Variants in ARHGAP24 observed in about 807,000 individuals in gnomAD.
ARHGAP24 encodes the protein Rho GTPase activating protein 24.
In ARHGAP24, 50 loss-of-function variants were observed where a neutral mutation model predicts 76.4. That is an observed-to-expected ratio of 0.65 (90% CI 0.52 to 0.83). The LOEUF (loss-of-function observed/expected upper bound fraction) is 0.83, where lower values mean the gene tolerates loss of function less well. Among genes scored for constraint, ARHGAP24 ranks in the 40% least tolerant of loss-of-function variants. The probability of loss-of-function intolerance (pLI) is 0.00; values close to 1 mark genes in which losing one functional copy is unlikely to be tolerated. For synonymous variants in ARHGAP24, 345 were observed against 323.3 expected (o/e 1.07, Z -0.72); for missense variants, 930 against 914.2 (o/e 1.02, Z -0.22).
At chr4:85,650,704 A>G (rs747090598) in intron 2 of ARHGAP24, among the ~76,000 whole-genome samples, 20 of 149,392 alleles carry the variant, frequency 1.3e-4, no homozygotes, top group Non-Finnish European at 2.4e-4. Flanking sequence ...CCTATACTCT[A>G]TATATTTACA....
At chr4:85,509,031 T>C (rs999583411) in intron 1 of ARHGAP24, among the ~76,000 whole-genome samples, 1 of 152,068 alleles carries the variant, frequency 6.6e-6, no homozygotes, top group African/African-American at 2.4e-5. Context: ...TTTAGAGAAC[T>C]TTCTAGCTAT....
At position 85,527,119 on chromosome 4, in the gene ARHGAP24, A is replaced by T. The variant is rs1725037318; in HGVS notation, c.-20-43403A>T. ...CTCCAGAGAAAAGTGTGATGGAAAT[A>T]CCAAGTTACATTATTCTAGGCAAAG... is the stretch of plus-strand genomic sequence containing the variant. On this transcript the variant is annotated intron_variant, in intron 1 of 9. Transcript: ENST00000395184. Among the ~76,000 whole-genome samples, 5 of 152,254 alleles carry T rather than the reference A, an allele frequency of 3.3e-5. No individual in the cohort carries two copies. In the South Asian group the frequency reaches 1.0e-3, roughly 32 times the overall value.
At chr4:85,525,211 T>G (rs1724933366) in intron 1 of ARHGAP24, among the ~76,000 whole-genome samples, 1 of 151,864 alleles carries the variant, frequency 6.6e-6, no homozygotes. Flanking sequence ...TGTTTAGATG[T>G]GTTTTTGCTA....
At chr4:85,957,110 A>G (rs1737964502) in intron 5 of ARHGAP24, among the ~76,000 whole-genome samples, 1 of 152,060 alleles carries the variant, frequency 6.6e-6, no homozygotes, top group Admixed American at 6.5e-5. Context: ...CGCTTGTTTA[A>G]AGGTGGATGC....
chr4:85,697,924 A>G (rs1380473982), intron 2 of ARHGAP24, among the ~76,000 whole-genome samples: 2 of 152,248 alleles, frequency 1.3e-5, no homozygotes, highest in Non-Finnish European at 2.9e-5. Flanking sequence ...CAAAAACTTC[A>G]TAGAAATACT....
intron 1 of ARHGAP24, among the ~76,000 whole-genome samples, chr4:85,526,637 A>G (rs1014988057): frequency 2.0e-5 from 3 of 152,056 alleles, no homozygotes; most frequent in African/African-American, 7.2e-5. Context: ...AATAGTTGTT[A>G]CTATTTATCA....
At chr4:85,745,658 A>G (rs2110063384) in intron 3 of ARHGAP24, among the ~76,000 whole-genome samples, 1 of 152,100 alleles carries the variant, frequency 6.6e-6, no homozygotes, top group African/African-American at 2.4e-5. Flanking sequence ...TGCATACTAC[A>G]CAGTATGAAA....
At position 85,995,126 on chromosome 4, in the gene ARHGAP24, C is replaced by T; in HGVS notation, c.1472C>T (p.Thr491Ile). The T allele has an allele frequency of 6.2e-7, 1 of 1,614,036 alleles. No individual in the cohort carries two copies. The highest frequency in any genetic ancestry group is 8.5e-7 in the Non-Finnish European group (1 of 1,180,020). Residue 491 changes from threonine (T) to isoleucine (I), a missense_variant, in exon 9 of 10, where the codon ACA becomes ATA. Coordinates refer to ENST00000395184, the MANE Select transcript of ARHGAP24 (RefSeq NM_001025616.3). Reference sequence around the variant, plus strand: ...CGCATGGGCATTTTGAACAGCGACACACTCGGGAACCCCACAAATGTTCGA... The same window carrying T: ...CGCATGGGCATTTTGAACAGCGACATACTCGGGAACCCCACAAATGTTCGA... Reference protein sequence around the residue: ...TVRMGILNSDTLGNPTNVRNM... With the variant: ...TVRMGILNSDILGNPTNVRNM...
At chr4:85,906,217 A>G (rs1734761770) in intron 3 of ARHGAP24, among the ~76,000 whole-genome samples, 1 of 152,198 alleles carries the variant, frequency 6.6e-6, no homozygotes, top group Non-Finnish European at 1.5e-5. Context: ...TTCCAGCATA[A>G]TTAAACCCAC....
chr4:85,537,893 A>G (rs1725533542), intron 1 of ARHGAP24, among the ~76,000 whole-genome samples: 1 of 152,180 alleles, frequency 6.6e-6, no homozygotes, highest in African/African-American at 2.4e-5. Context: ...TCACTTGTAT[A>G]TTGGTGTCAG....
chr4:85,561,804 G>A (rs1192329947), intron 1 of ARHGAP24, among the ~76,000 whole-genome samples: 1 of 152,110 alleles, frequency 6.6e-6, no homozygotes, highest in East Asian at 1.9e-4. Context: ...CTGGTTAGAA[G>A]GCCTCCATCC....
At chr4:85,682,646 A>C (rs1578136886) in intron 2 of ARHGAP24, among the ~76,000 whole-genome samples, 1 of 152,324 alleles carries the variant, frequency 6.6e-6, no homozygotes, top group East Asian at 1.9e-4. Context: ...ATCATAGTTA[A>C]AGTTGAATAA....
At chr4:85,850,886 G>A (rs1731183812) in intron 3 of ARHGAP24, among the ~76,000 whole-genome samples, 1 of 152,142 alleles carries the variant, frequency 6.6e-6, no homozygotes, top group African/African-American at 2.4e-5. Flanking sequence ...GTCAATTTTG[G>A]AAGAAGTGCA....
At chr4:85,624,659 T>G (rs1415583482) in intron 2 of ARHGAP24, among the ~76,000 whole-genome samples, 1 of 152,248 alleles carries the variant, frequency 6.6e-6, no homozygotes. Context: ...TCAGAAGGAA[T>G]GGTACCAGCT....
chr4:85,897,709 C>A (rs76647022), intron 3 of ARHGAP24, among the ~76,000 whole-genome samples: 2,247 of 152,262 alleles, frequency 0.015, 55 homozygotes, highest in African/African-American at 0.051. Flanking sequence ...TGTTCTTTCT[C>A]ATTTATCTTC....
intron 2 of ARHGAP24, among the ~76,000 whole-genome samples, chr4:85,693,558 T>C (rs1242466799): frequency 1.3e-5 from 2 of 152,204 alleles, no homozygotes; most frequent in Non-Finnish European, 2.9e-5. Flanking sequence ...CCATCCTGTG[T>C]ACCTGGGGTT....
chr4:85,885,425 A>C (rs1733510243), intron 3 of ARHGAP24, among the ~76,000 whole-genome samples: 1 of 152,118 alleles, frequency 6.6e-6, no homozygotes, highest in African/African-American at 2.4e-5. Context: ...ATAGAAACTC[A>C]CGAATACCTA....
intron 2 of ARHGAP24, among the ~76,000 whole-genome samples, chr4:85,688,686 C>T (rs1278002645): frequency 6.6e-6 from 1 of 152,046 alleles, no homozygotes; most frequent in African/African-American, 2.4e-5. Flanking sequence ...CCTAGGTTTT[C>T]TTTTAGGATT....
At chr4:85,602,229 T>C (rs894971767) in intron 2 of ARHGAP24, among the ~76,000 whole-genome samples, 1 of 152,216 alleles carries the variant, frequency 6.6e-6, no homozygotes, top group African/African-American at 2.4e-5. Flanking sequence ...GAAAAATTTG[T>C]CATATCTCAC....
Sources: gnomAD v4.1 joint callset for allele counts (sites outside exome capture counted in the v4.1 genomes callset) on GRCh38, gnomAD v4.1.1 for gene constraint, MANE v1.5 for transcripts, NCBI Gene and HGNC (gene_info 2026-07-23, HGNC 2026-07-21) for gene names.